Variants in SPTBN1 observed in about 807,000 individuals in gnomAD.
SPTBN1 encodes the protein spectrin beta chain, non-erythrocytic 1.
A neutral mutation model predicts 266.4 loss-of-function variants in SPTBN1; 32 were observed. The ratio of observed to expected loss-of-function variants is 0.12; its 90% CI spans 0.09 to 0.16. The LOEUF (loss-of-function observed/expected upper bound fraction) is 0.16. Among genes scored for constraint, SPTBN1 ranks in the 10% least tolerant of loss-of-function variants. The probability of loss-of-function intolerance (pLI) is 1.00; values close to 1 mark genes in which losing one functional copy is unlikely to be tolerated. For missense variants in SPTBN1, 2,296 were observed against 3,067.1 expected (o/e 0.75, Z 5.94); for synonymous variants, 1,336 against 1,162.2 (o/e 1.15, Z -3.04).
At chr2:54,532,344 ATG>A (rs1466694356) in intron 2 of SPTBN1, among the ~76,000 whole-genome samples, 2 of 152,250 alleles carry the variant, frequency 1.3e-5, no homozygotes, top group African/African-American at 4.8e-5. Context: ...CCAAAATTTT[ATG>A]TTTATATCCA....
chr2:54,479,528 AAGG>A (rs2103922634), intron 1 of SPTBN1, among the ~76,000 whole-genome samples: 2 of 152,264 alleles, frequency 1.3e-5, no homozygotes, highest in East Asian at 3.9e-4. Context: ...ATGAGAATGA[AAGG>A]AGACACTTTT....
rs144673949 is a variant in SPTBN1 at position 54,533,516 on chromosome 2, T to C, written c.148+6950T>C. Among the ~76,000 whole-genome samples, 391 of 152,206 alleles carry C rather than the reference T, an allele frequency of 2.6e-3. 2 individuals carry two copies. Among genetic ancestry groups the C allele is most frequent in the African/African-American group, 9.0e-3 (374 of 41,538 alleles). ...AGGAGGAAACCTATTTACATGAGAC[T>C]ATATATGTATACAAGTGCCTGGAAG... On this transcript the variant is annotated intron_variant, in intron 2 of 35. Coordinates refer to ENST00000356805, the MANE Select transcript of SPTBN1 (RefSeq NM_003128.3). This position sits in a 1 kb window ranked among gnomAD's most constrained non-coding sequence, Gnocchi z 4.2.
intron 3 of SPTBN1, among the ~76,000 whole-genome samples, chr2:54,599,675 G>T (rs1465541612): frequency 3.3e-5 from 5 of 152,228 alleles, no homozygotes; most frequent in African/African-American, 7.2e-5. Flanking sequence ...ATTGAATTCA[G>T]TGGCCACTGA....
At chr2:54,551,427 C>A (rs1484231170) in intron 2 of SPTBN1, among the ~76,000 whole-genome samples, 2 of 152,270 alleles carry the variant, frequency 1.3e-5, no homozygotes, top group African/African-American at 4.8e-5. Flanking sequence ...TGGACCGGGG[C>A]ATTCTTTTGT....
intron 1 of SPTBN1, among the ~76,000 whole-genome samples, chr2:54,505,417 TAAC>T: frequency 6.6e-6 from 1 of 152,268 alleles, no homozygotes; most frequent in African/African-American, 2.4e-5. Context: ...ACAACAACAA[TAAC>T]AACAACAAAT....
At chr2:54,657,769 G>T in intron 29 of SPTBN1, 81 bp from the exon 30 acceptor site, 2 of 1,544,216 alleles carry the variant, frequency 1.3e-6, no homozygotes, top group Middle Eastern at 2.1e-4. Flanking sequence ...TCACCAGAGG[G>T]CAGCAGTGCC....
At chr2:54,475,579 T>C (rs913467503) in intron 1 of SPTBN1, among the ~76,000 whole-genome samples, 4 of 152,202 alleles carry the variant, frequency 2.6e-5, no homozygotes, top group African/African-American at 9.7e-5. Context: ...AGCCTCCTGC[T>C]ACCATGTGAC....
At position 54,631,122 on chromosome 2, in the gene SPTBN1, G is replaced by A. The variant is rs1300447369; in HGVS notation, c.3075G>A (p.Glu1025=). The A allele has an allele frequency of 1.2e-6, 2 of 1,614,194 alleles. No homozygotes were observed. The highest frequency in any genetic ancestry group is 2.2e-5 in the East Asian group (1 of 44,882). Residue 1025 remains glutamate (E), a synonymous_variant, in exon 16 of 36, where the codon GAG becomes GAA. Coordinates refer to ENST00000356805, the MANE Select transcript of SPTBN1 (RefSeq NM_003128.3). The part of the protein sequence containing the change: ...LQKEAEKLES[E]HPDQAQAILS... The stretch of plus-strand genomic sequence containing the variant: ...AGGAGGCGGAGAAGCTGGAGTCCGA[G>A]CACCCCGACCAGGCCCAGGCCATCC...
intron 35 of SPTBN1, 100 bp from the exon 36 acceptor site, chr2:54,668,251 A>C: frequency 9.2e-7 from 1 of 1,092,894 alleles, no homozygotes; most frequent in Non-Finnish European, 1.4e-6. Context: ...GACTCTGCTT[A>C]CCCCTCAGTT....
chr2:54,480,224 A>C (rs903792841), intron 1 of SPTBN1, among the ~76,000 whole-genome samples: 1 of 152,202 alleles, frequency 6.6e-6, no homozygotes, highest in Non-Finnish European at 1.5e-5. Flanking sequence ...GCACCTTTTG[A>C]ACAGCTGGCG....
chr2:54,595,552 G>A (rs918744744), intron 2 of SPTBN1, among the ~76,000 whole-genome samples: 13 of 152,360 alleles, frequency 8.5e-5, no homozygotes, highest in South Asian at 4.1e-4. Context: ...GACCCAGCCC[G>A]CCCCAGCTCC....
At chr2:54,622,139 G>C (rs578036567) in intron 8 of SPTBN1, among the ~76,000 whole-genome samples, 161 bp from the exon 9 acceptor site, 3 of 152,238 alleles carry the variant, frequency 2.0e-5, no homozygotes, top group South Asian at 2.1e-4. Flanking sequence ...ATGGTTCCTT[G>C]AGTTAAAATG....
In SPTBN1 at chr2:54,628,715, G is replaced by A. The variant is rs1031139225; in HGVS notation, c.1799-218G>A. Among the ~76,000 whole-genome samples the A allele has an allele frequency of 6.6e-6, 1 of 152,062 alleles. No individual in the cohort carries two copies. Among genetic ancestry groups the A allele is most frequent in the African/African-American group, 2.4e-5 (1 of 41,408 alleles). On this transcript the variant is annotated intron_variant, in intron 13 of 35. Coordinates refer to ENST00000356805, the MANE Select transcript of SPTBN1 (RefSeq NM_003128.3). This position sits in a 1 kb window ranked among gnomAD's most constrained non-coding sequence, Gnocchi z 4.3. Reference sequence around the variant, plus strand: ...CAGGAGGATGATCACTTTGTCTGCGGTTTGGCCAAAAAAAAATAATGTTTA... The same window carrying A: ...CAGGAGGATGATCACTTTGTCTGCGATTTGGCCAAAAAAAAATAATGTTTA...
intron 2 of SPTBN1, among the ~76,000 whole-genome samples, chr2:54,581,347 A>G (rs1468592276): frequency 6.6e-6 from 1 of 152,082 alleles, no homozygotes; most frequent in Non-Finnish European, 1.5e-5. Flanking sequence ...GATGCTCTAA[A>G]TTGAGGATTC....
intron 26 of SPTBN1, among the ~76,000 whole-genome samples, chr2:54,651,133 A>G (rs769100293): frequency 1.1e-4 from 16 of 152,238 alleles, no homozygotes; most frequent in Non-Finnish European, 2.4e-4. Context: ...TGGGATATCT[A>G]GAGATAGAAT....
intron 1 of SPTBN1, among the ~76,000 whole-genome samples, chr2:54,499,282 A>AT (rs910839049): frequency 3.3e-5 from 5 of 151,894 alleles, no homozygotes; most frequent in Non-Finnish European, 5.9e-5. Flanking sequence ...TGCTTCCTCC[A>AT]TTTTTTTTGT....
At chr2:54,495,922 C>T (rs923119429) in intron 1 of SPTBN1, among the ~76,000 whole-genome samples, 2 of 152,008 alleles carry the variant, frequency 1.3e-5, no homozygotes, top group African/African-American at 4.8e-5. Flanking sequence ...GGTGCAGTTT[C>T]TTAATTCATA....
chr2:54,661,183 G>A (rs1681017756), intron 32 of SPTBN1: 3 of 985,344 alleles, frequency 3.0e-6, no homozygotes, highest in Admixed American at 6.1e-5. Context: ...TTTTAGGATG[G>A]TATCTATCAG....
At chr2:54,508,446 A>G (rs908427636) in intron 1 of SPTBN1, among the ~76,000 whole-genome samples, 1 of 152,212 alleles carries the variant, frequency 6.6e-6, no homozygotes, top group Non-Finnish European at 1.5e-5. Context: ...AGAATAGCAG[A>G]TGGAACACTG....
Sources: allele counts gnomAD v4.1 joint callset (sites outside exome capture counted in the v4.1 genomes callset), GRCh38; gene constraint gnomAD v4.1.1; non-coding constraint Gnocchi (gnomAD v3.1); transcripts MANE v1.5; gene names NCBI Gene and HGNC (gene_info 2026-07-23, HGNC 2026-07-21).